Variants in RGS13 observed in about 807,000 individuals in gnomAD.
RGS13 encodes the protein regulator of G-protein signalling 13.
In RGS13, 14 loss-of-function variants were observed where a neutral mutation model predicts 19.9. The ratio of observed to expected loss-of-function variants is 0.70; its 90% CI spans 0.46 to 1.10. The LOEUF (loss-of-function observed/expected upper bound fraction) is 1.10, where lower values mean the gene tolerates loss of function less well. RGS13 is among the 50% of genes least tolerant of loss of function. The pLI, the probability that RGS13 is intolerant of heterozygous loss-of-function variation, is 0.00. For missense variants in RGS13, 205 were observed against 187.1 expected, an observed-to-expected ratio of 1.10 and a Z score of -0.56; for synonymous variants, 60 against 56.8, an observed-to-expected ratio of 1.06 and a Z score of -0.25.
At position 192,647,986 on chromosome 1, in the gene RGS13, A is replaced by T; in HGVS notation, c.126A>T (p.Lys42Asn). The T allele has an allele frequency of 6.3e-7, 1 of 1,589,068 alleles. No individual in the cohort carries two copies. Reference sequence around the variant, plus strand: ...CTTTTGAAAATTTAATGGCTACAAAATGTGAGTATTGCGTATCTGTCATCT... The same window carrying T: ...CTTTTGAAAATTTAATGGCTACAAATTGTGAGTATTGCGTATCTGTCATCT... ...AQSFENLMAT[K>N]YGPVVYAAYL... The change falls in exon 5 of 7, where the codon AAA (lysine) becomes AAT (asparagine). Residue 42 changes from lysine (K) to asparagine (N), a missense_variant and splice_region_variant. Physicochemically the swap from Lys to Asn is moderately conservative, Grantham distance 94. Transcript: ENST00000391995.
chr1:192,647,865 T>G, intron 4 of RGS13, 61 bp from the exon 5 acceptor site: 5 of 1,030,650 alleles, frequency 4.9e-6, no homozygotes, highest in Non-Finnish European at 5.7e-6. Flanking sequence ...TAATTTTACT[T>G]AGTTCAACAA....
At chr1:192,649,795 G>A (rs1361013036) in intron 5 of RGS13, among the ~76,000 whole-genome samples, 2 of 152,030 alleles carry the variant, frequency 1.3e-5, no homozygotes, top group African/African-American at 4.8e-5. Context: ...TCAAATTCAA[G>A]TGCCACTTTC....
At chr1:192,647,836 T>C (rs1389432177) in intron 4 of RGS13, 90 bp from the exon 5 acceptor site, 5 of 659,478 alleles carry the variant, frequency 7.6e-6, no homozygotes, top group African/African-American at 5.6e-5. Context: ...TATATTTTGG[T>C]GTCATTTTCA....
chr1:192,638,696 G>T (rs556934594), intron 3 of RGS13, among the ~76,000 whole-genome samples: 1 of 152,132 alleles, frequency 6.6e-6, no homozygotes, highest in Non-Finnish European at 1.5e-5. Context: ...GAATACCAGA[G>T]AACTTCTTAT....
intron 3 of RGS13, among the ~76,000 whole-genome samples, 166 bp from the exon 4 acceptor site, chr1:192,644,165 T>G (rs1237874439): frequency 2.6e-5 from 4 of 152,194 alleles, no homozygotes; most frequent in African/African-American, 9.6e-5. Context: ...TGAGTCATTT[T>G]ATTCTCCTCT....
At chr1:192,641,295 AAAGAAAG>A (rs1663115494) in intron 3 of RGS13, among the ~76,000 whole-genome samples, 1 of 119,358 alleles carries the variant, frequency 8.4e-6, no homozygotes, top group African/African-American at 2.6e-5. Flanking sequence ...AGAAAGAAAG[AAAGAAAG>A]AAAGAAAAGA....
At chr1:192,651,758 G>A (rs984926826) in intron 5 of RGS13, among the ~76,000 whole-genome samples, 13 of 152,214 alleles carry the variant, frequency 8.5e-5, no homozygotes, top group Admixed American at 2.6e-4. Context: ...GTGAATATCC[G>A]TCTGATTAAT....
At chr1:192,647,535 A>G (rs1663243429) in intron 4 of RGS13, 1 of 152,492 alleles carries the variant, frequency 6.6e-6, no homozygotes. Flanking sequence ...GATGACATAA[A>G]ATGCATAAAG....
At chr1:192,638,844 T>C (rs766206042) in intron 3 of RGS13, among the ~76,000 whole-genome samples, 7 of 152,140 alleles carry the variant, frequency 4.6e-5, no homozygotes, top group African/African-American at 9.7e-5. Flanking sequence ...CTATTTGTAT[T>C]CCATAATTTA....
intron 1 of RGS13, among the ~76,000 whole-genome samples, chr1:192,637,308 A>G (rs1246139382): frequency 2.0e-5 from 3 of 151,906 alleles, no homozygotes; most frequent in Non-Finnish European, 4.4e-5. Flanking sequence ...ATTAATACAC[A>G]ATATTAAGAT....
At position 192,640,707 on chromosome 1, in the gene RGS13, A is replaced by G. The variant is rs530601885; in HGVS notation, c.-5+2504A>G. ...TAGTAGAGACTTACATAGAAAATGA[A>G]GTTGATCAGACCACATTTCTCATAT... On this transcript the variant is annotated intron_variant, in intron 3 of 6. Transcript: ENST00000391995. 1.5e-4 allele frequency among the ~76,000 whole-genome samples: 8 copies of G among 52,352 alleles called. No individual in the cohort carries two copies. In the East Asian group the frequency reaches 2.6e-3, roughly 17 times the overall value. 34.3% of individuals were successfully genotyped at this position (52,352 alleles called of 152,430 possible). A position where few individuals can be genotyped will look rare whatever the true frequency, so the allele number is the denominator to read the frequency against.
In RGS13 at chr1:192,659,513, A is replaced by G. The variant is rs1459066955; in HGVS notation, c.470A>G (p.Asn157Ser). 10 of 1,606,794 alleles carry G rather than the reference A, an allele frequency of 6.2e-6. No homozygotes were observed. The Admixed American group carries it at 1.7e-4, about 27-fold the overall frequency. The stretch of plus-strand genomic sequence containing the variant: ...CTTTTGAAAACTATGCAGTCCAACA[A>G]CAGTTTCTGACTACAACTCAAAAGT... Reference protein sequence around the residue: ...QKLLKTMQSNNSF With the variant: ...QKLLKTMQSNSSF Residue 157 changes from asparagine (N) to serine (S), a missense_variant, in exon 7 of 7, where the codon AAC becomes AGC. Asn to Ser is a conservative substitution (Grantham distance 46, BLOSUM62 1). Coordinates refer to ENST00000391995, the MANE Select transcript of RGS13 (RefSeq NM_002927.5).
chr1:192,648,745 A>G (rs1663263591), intron 5 of RGS13, among the ~76,000 whole-genome samples: 1 of 152,000 alleles, frequency 6.6e-6, no homozygotes, highest in South Asian at 2.1e-4. Context: ...TTTATTTAAG[A>G]TCCCATTTTA....
In RGS13 at chr1:192,647,987, T is replaced by C. The variant is rs762550954; in HGVS notation, c.127T>C (p.Tyr43His). Residue 43 changes from tyrosine (Y) to histidine (H), a missense_variant and splice_region_variant, in exon 5 of 7, where the codon TAT (tyrosine) becomes CAT (histidine). Physicochemically the swap from Tyr to His is moderately conservative, Grantham distance 83 (BLOSUM62 2). Transcript: ENST00000391995. The stretch of plus-strand genomic sequence containing the variant: ...TTTTGAAAATTTAATGGCTACAAAA[T>C]GTGAGTATTGCGTATCTGTCATCTT... The part of the protein sequence containing the change: ...QSFENLMATK[Y>H]GPVVYAAYLK... 2 of 1,586,958 alleles carry C rather than the reference T, an allele frequency of 1.3e-6. No homozygotes were observed. The highest frequency in any genetic ancestry group is 2.3e-5 in the East Asian group (1 of 43,796).
At chr1:192,652,478 C>A (rs1158556973) in intron 5 of RGS13, among the ~76,000 whole-genome samples, 2 of 152,032 alleles carry the variant, frequency 1.3e-5, no homozygotes, top group Non-Finnish European at 2.9e-5. Context: ...ATATTACCTG[C>A]ACTGCCTTCC....
chr1:192,641,274 G>GAAA, intron 3 of RGS13, among the ~76,000 whole-genome samples: 1 of 100,148 alleles, frequency 1.0e-5, no homozygotes, highest in South Asian at 3.6e-4. Context: ...AAGAAAGAAA[G>GAAA]AAAGAAAGAA....
At chr1:192,643,851 T>C (rs879394354) in intron 3 of RGS13, among the ~76,000 whole-genome samples, 5 of 151,916 alleles carry the variant, frequency 3.3e-5, no homozygotes, top group Non-Finnish European at 7.4e-5. Context: ...ACTCCAGAGG[T>C]TGAGGTGGGA....
At position 192,658,240 on chromosome 1, in the gene RGS13, A is replaced by G. The variant is rs139968001; in HGVS notation, c.167A>G (p.His56Arg). ...TATGCAGCATATTTAAAAATGGAGC[A>G]CAGTGACGAGAATATTCAATTCTGG... is the stretch of plus-strand genomic sequence containing the variant. ...VVYAAYLKMEHSDENIQFWMA... is the reference protein window; with the variant it reads ...VVYAAYLKMERSDENIQFWMA... The change falls in exon 6 of 7, where the codon CAC (histidine) becomes CGC (arginine). Residue 56 changes from histidine (H) to arginine (R), a missense_variant. Coordinates refer to ENST00000391995, the MANE Select transcript of RGS13 (RefSeq NM_002927.5). 1 of 1,613,378 alleles carries G rather than the reference A, an allele frequency of 6.2e-7. No homozygotes were observed. Among genetic ancestry groups the G allele is most frequent in the Non-Finnish European group, 8.5e-7 (1 of 1,179,624 alleles).
chr1:192,643,821 G>A (rs1663167880), intron 3 of RGS13, among the ~76,000 whole-genome samples: 1 of 151,972 alleles, frequency 6.6e-6, no homozygotes, highest in Admixed American at 6.6e-5. Context: ...TCATGGTGGC[G>A]CATGCCTGTA....
Sources: allele counts gnomAD v4.1 joint callset (sites outside exome capture counted in the v4.1 genomes callset), GRCh38; gene constraint gnomAD v4.1.1; transcripts MANE v1.5; gene names NCBI Gene and HGNC (gene_info 2026-07-23, HGNC 2026-07-21).